RAB11B: variants seen among roughly 807,000 people sequenced by gnomAD.
The protein encoded by RAB11B is RAB11B, member RAS oncogene family, also known as ras-related protein Rab-11B.
Under a neutral mutation model 23.7 loss-of-function variants are expected in RAB11B, and 7 were observed. The observed-to-expected ratio is 0.29, with a 90% CI of 0.17 to 0.55. The LOEUF (loss-of-function observed/expected upper bound fraction) is 0.55, where lower values mean the gene tolerates loss of function less well. Among genes scored for constraint, RAB11B ranks in the 20% least tolerant of loss-of-function variants. The probability of loss-of-function intolerance (pLI) is 0.93; values close to 1 mark genes in which losing one functional copy is unlikely to be tolerated. For synonymous variants in RAB11B, 138 were observed against 132.0 expected (o/e 1.05, Z -0.31); for missense variants, 189 against 320.0 (o/e 0.59, Z 3.12).
At chr19:8,398,959 ATT>A (rs34434022) in intron 1 of RAB11B, among the ~76,000 whole-genome samples, 5 of 138,804 alleles carry the variant, frequency 3.6e-5, no homozygotes, top group African/African-American at 7.8e-5. Context: ...TATTATTATT[ATT>A]TTTTTTTTTG....
intron 1 of RAB11B, among the ~76,000 whole-genome samples, chr19:8,395,615 C>T (rs939912752): frequency 7.2e-5 from 11 of 152,144 alleles, no homozygotes; most frequent in Admixed American, 6.5e-5. Flanking sequence ...CCCATGGTGA[C>T]GTGAGAGAAT....
In RAB11B at chr19:8,396,718, G is replaced by GC. The variant is rs1971399747; in HGVS notation, c.41-3145_41-3144insC. ...CTGGAGCAGAGTGAGCCGGGGGGGG[G>GC]GCGGGAGGGAGGAGGGGAGGGCCCT... On this transcript the variant is annotated intron_variant, in intron 1 of 4. Coordinates refer to ENST00000328024, the MANE Select transcript of RAB11B (RefSeq NM_004218.4). The surrounding 1 kb of genome is among the most constrained non-coding windows in gnomAD (Gnocchi z 5.0). Among the ~76,000 whole-genome samples the GC allele has an allele frequency of 7.0e-6, 1 of 143,014 alleles. No homozygotes were observed. Among genetic ancestry groups the GC allele is most frequent in the South Asian group, 2.5e-4 (1 of 4,016 alleles). 93.8% of individuals were successfully genotyped at this position (143,014 alleles called of 152,430 possible). A position where few individuals can be genotyped will look rare whatever the true frequency, so the allele number is the denominator to read the frequency against.
chr19:8,390,395 T>A lies in RAB11B; in HGVS notation c.-22T>A. The A allele has an allele frequency of 6.5e-7, 1 of 1,529,020 alleles. No homozygotes were observed. 94.7% of individuals were successfully genotyped at this position (1,529,020 alleles called of 1,614,324 possible). On this transcript the variant is annotated 5_prime_UTR_variant, in exon 1 of 5. Transcript: ENST00000328024. ...TGTGGTGGGGCTGCGGAGTCGCCGATCCCGCCGGAAGCGCCAGGACAATGG... is the reference window on the plus strand; with the variant it reads ...TGTGGTGGGGCTGCGGAGTCGCCGAACCCGCCGGAAGCGCCAGGACAATGG...
At chr19:8,391,692 G>T (rs1156234194) in intron 1 of RAB11B, among the ~76,000 whole-genome samples, 4 of 152,134 alleles carry the variant, frequency 2.6e-5, no homozygotes, top group Non-Finnish European at 5.9e-5. Flanking sequence ...TCGCACATCA[G>T]CTGTTGGTAT....
chr19:8,391,087 C>G (rs949747849), intron 1 of RAB11B, among the ~76,000 whole-genome samples: 3 of 152,126 alleles, frequency 2.0e-5, no homozygotes, highest in African/African-American at 7.2e-5. Context: ...GCAAGAATTC[C>G]ATCTCTTCAC....
intron 1 of RAB11B, 149 bp downstream of exon 1, chr19:8,390,605 C>G: frequency 2.5e-6 from 2 of 808,804 alleles, no homozygotes; most frequent in Non-Finnish European, 3.4e-6. Flanking sequence ...CGGAGCCGAC[C>G]GGGCAGCATC....
rs914630264 is a variant in RAB11B at position 8,402,290 on chromosome 19, G to A, written c.430+11G>A. 13 of 1,548,562 alleles carry A rather than the reference G, an allele frequency of 8.4e-6. No individual in the cohort carries two copies. The highest frequency in any genetic ancestry group is 5.5e-5 in the African/African-American group (4 of 73,236). ...CCCGCGCCTTCGCAGGTGAGCAGAC[G>A]GAGACGCAGGCATCAGAGAGGTGTC... On this transcript the variant is annotated intron_variant, in intron 3 of 4. Transcript: ENST00000328024.
intron 2 of RAB11B, chr19:8,400,303 C>T (rs1971427462): frequency 3.6e-6 from 2 of 557,380 alleles, no homozygotes; most frequent in Non-Finnish European, 6.4e-6. Context: ...GCTCAGGCCA[C>T]TCCGCCTTGC....
intron 1 of RAB11B, among the ~76,000 whole-genome samples, chr19:8,397,981 G>A (rs1308777125): frequency 6.6e-6 from 1 of 152,148 alleles, no homozygotes; most frequent in Non-Finnish European, 1.5e-5. Flanking sequence ...GGGTCCACGG[G>A]GCTTCTGGCT....
At chr19:8,392,544 T>G (rs1463457787) in intron 1 of RAB11B, among the ~76,000 whole-genome samples, 1 of 152,134 alleles carries the variant, frequency 6.6e-6, no homozygotes, top group Non-Finnish European at 1.5e-5. Flanking sequence ...GCTGACCTTC[T>G]CAAGCTAGTT....
At chr19:8,400,095 C>G (rs1377004689) in intron 2 of RAB11B, 37 bp downstream of exon 2, 12 of 1,598,112 alleles carry the variant, frequency 7.5e-6, no homozygotes, top group Non-Finnish European at 1.0e-5. Context: ...CGCTGAGATT[C>G]GGGGGCGTGG....
At position 8,390,425 on chromosome 19, in the gene RAB11B, C is replaced by G. The variant is rs776881402; in HGVS notation, c.9C>G (p.Thr3=). The change falls in exon 1 of 5, where the codon ACC becomes ACG. Residue 3 remains threonine (T), a synonymous_variant. Coordinates refer to ENST00000328024, the MANE Select transcript of RAB11B (RefSeq NM_004218.4). The part of the protein sequence containing the change: MG[T]RDDEYDYLFK... ...CCGGAAGCGCCAGGACAATGGGGAC[C>G]CGGGACGACGAGTACGACTACCTAT... The G allele has an allele frequency of 5.2e-6, 8 of 1,527,014 alleles. No individual in the cohort carries two copies. The highest frequency in any genetic ancestry group is 6.1e-6 in the Non-Finnish European group (7 of 1,141,644). The allele number at this position is 1,527,014 out of a possible 1,614,324, so 94.6% of individuals were successfully genotyped here. A position where few individuals can be genotyped will look rare whatever the true frequency, so the allele number is the denominator to read the frequency against.
At position 8,396,716 on chromosome 19, in the gene RAB11B, G is replaced by T. The variant is rs1006362870; in HGVS notation, c.41-3147G>T. On this transcript the variant is annotated intron_variant, in intron 1 of 4. Transcript: ENST00000328024. The surrounding 1 kb of genome is among the most constrained non-coding windows in gnomAD (Gnocchi z 5.0). ...GGCTGGAGCAGAGTGAGCCGGGGGG[G>T]GGGCGGGAGGGAGGAGGGGAGGGCC... 1.4e-5 allele frequency among the ~76,000 whole-genome samples: 2 copies of T among 145,086 alleles called. No homozygotes were observed. The highest frequency in any genetic ancestry group is 2.1e-4 in the East Asian group (1 of 4,680).
chr19:8,390,657 C>A (rs983436576), intron 1 of RAB11B: 6 of 505,810 alleles, frequency 1.2e-5, no homozygotes, highest in Middle Eastern at 1.2e-3. Context: ...GCCGGAGGCC[C>A]GGAGAGACCT....
intron 1 of RAB11B, among the ~76,000 whole-genome samples, chr19:8,392,685 CTTTTTT>C (rs74176644): frequency 2.3e-4 from 18 of 79,662 alleles, no homozygotes; most frequent in Admixed American, 9.4e-4. Context: ...TTTTTCTTTT[CTTTTTT>C]TTTTTTTTTT....
At chr19:8,390,771 T>G (rs1971343474) in intron 1 of RAB11B, 7 of 286,186 alleles carry the variant, frequency 2.4e-5, no homozygotes, top group Non-Finnish European at 3.9e-5. Context: ...GGGTGGAGCT[T>G]TCCCAAGATT....
In RAB11B at chr19:8,399,927, G is replaced by A. The variant is rs1217253075; in HGVS notation, c.105G>A (p.Glu35=). Residue 35 remains glutamate (E), a synonymous_variant, in exon 2 of 5, where the codon GAG becomes GAA. Coordinates refer to ENST00000328024, the MANE Select transcript of RAB11B (RefSeq NM_004218.4). The stretch of plus-strand genomic sequence containing the variant: ...TGCTGTCGCGCTTCACCCGCAACGA[G>A]TTCAACCTGGAGAGCAAGAGCACCA... ...SNLLSRFTRN[E]FNLESKSTIG... is the part of the protein sequence containing the mutation. The A allele has an allele frequency of 1.2e-6, 2 of 1,614,212 alleles. No homozygotes were observed. The highest frequency in any genetic ancestry group is 1.1e-5 in the South Asian group (1 of 91,086).
chr19:8,398,234 G>A (rs1971411245), intron 1 of RAB11B, among the ~76,000 whole-genome samples: 1 of 152,192 alleles, frequency 6.6e-6, no homozygotes, highest in Admixed American at 6.5e-5. Context: ...TGGCCAGCAT[G>A]AGACAGGCCT....
At chr19:8,400,200 C>G in intron 2 of RAB11B, 142 bp downstream of exon 2, 1 of 1,006,320 alleles carries the variant, frequency 9.9e-7, no homozygotes, top group East Asian at 2.6e-5. Context: ...TGGAAGAACG[C>G]TTTAGCCATG....
Sources: gnomAD v4.1 joint callset for allele counts (sites outside exome capture counted in the v4.1 genomes callset) on GRCh38, gnomAD v4.1.1 for gene constraint, Gnocchi (gnomAD v3.1) non-coding constraint, MANE v1.5 for transcripts, NCBI Gene and HGNC (gene_info 2026-07-23, HGNC 2026-07-21) for gene names.